FGD5: variants seen among roughly 807,000 people sequenced by gnomAD.
FGD5 encodes FYVE, RhoGEF and PH domain-containing protein 5.
A neutral mutation model predicts 133.4 loss-of-function variants in FGD5; 28 were observed. The observed-to-expected ratio is 0.21, with a 90% confidence interval of 0.16 to 0.29. The LOEUF is 0.29. FGD5 is among the 10% of genes least tolerant of loss of function. The probability of loss-of-function intolerance (pLI) is 1.00; values close to 1 mark genes in which losing one functional copy is unlikely to be tolerated. For missense variants in FGD5, 1,858 were observed against 1,895.2 expected (o/e 0.98, Z 0.36); for synonymous variants, 810 against 776.5 (o/e 1.04, Z -0.72).
At chr3:14,846,984 C>T (rs1475712297) in intron 1 of FGD5, among the ~76,000 whole-genome samples, 1 of 152,180 alleles carries the variant, frequency 6.6e-6, no homozygotes, top group African/African-American at 2.4e-5. Context: ...AGTGGTCCCC[C>T]TCCATCCCTC....
intron 9 of FGD5, among the ~76,000 whole-genome samples, chr3:14,905,301 A>G (rs1232750265): frequency 1.3e-5 from 2 of 151,690 alleles, no homozygotes; most frequent in Admixed American, 6.6e-5. Context: ...TGCCTTTAAG[A>G]TCTTCTCTTT....
In FGD5 at chr3:14,922,090, GC is replaced by G; in HGVS notation, c.3669+75del. The G allele has an allele frequency of 6.9e-7, 1 of 1,442,738 alleles. No individual in the cohort carries two copies. Among genetic ancestry groups the G allele is most frequent in the Admixed American group, 2.0e-5 (1 of 50,826 alleles). The allele number at this position is 1,442,738 out of a possible 1,614,324, so 89.4% of individuals were successfully genotyped here. A position where few individuals can be genotyped will look rare whatever the true frequency, so the allele number is the denominator to read the frequency against. On this transcript the variant is annotated intron_variant, in intron 14 of 19. Coordinates refer to ENST00000285046, the MANE Select transcript of FGD5 (RefSeq NM_152536.4). The surrounding 1 kb of genome is among the most constrained non-coding windows in gnomAD (Gnocchi z 4.1). The stretch of plus-strand genomic sequence containing the variant: ...GGTTCCCTGGGCGGGCATTGCTGTT[GC>G]CACTCACACCCAGATGGACGTGTAG...
intron 1 of FGD5, among the ~76,000 whole-genome samples, chr3:14,834,961 C>T (rs1048390154): frequency 3.9e-5 from 6 of 152,178 alleles, no homozygotes; most frequent in African/African-American, 1.4e-4. Flanking sequence ...AACCGCCGTG[C>T]AAGACCAGGA....
Position 14,917,147 on chromosome 3 carries a change from C to A in FGD5, c.3406-102C>A. ...CACCTGTGGGGGTTACTGAGGAATA[C>A]AAGATGCCTGTGCACAGCGGAGCTC... On this transcript the variant is annotated intron_variant, in intron 11 of 19. Transcript: ENST00000285046. The surrounding 1 kb of genome is among the most constrained non-coding windows in gnomAD (Gnocchi z 4.1). 1.9e-6 allele frequency: 2 copies of A among 1,031,736 alleles called. No homozygotes were observed. Among genetic ancestry groups the A allele is most frequent in the South Asian group, 3.2e-5 (2 of 61,660 alleles). 63.9% of individuals were successfully genotyped at this position (1,031,736 alleles called of 1,614,324 possible). A position where few individuals can be genotyped will look rare whatever the true frequency, so the allele number is the denominator to read the frequency against.
At position 14,924,015 on chromosome 3, in the gene FGD5, T is replaced by A. The variant is rs747514506; in HGVS notation, c.3945T>A (p.Pro1315=). Reference sequence around the variant, plus strand: ...GGCTTCTTTCAGTTACAGAGCGGCCTGTGAGCATGAGCTTCCCGCTGTCTT... The same window carrying A: ...GGCTTCTTTCAGTTACAGAGCGGCCAGTGAGCATGAGCTTCCCGCTGTCTT... ...RAVPGLMRER[P]VSMSFPLSSP... The change falls in exon 17 of 20, where the codon CCT becomes CCA. Residue 1315 remains proline, a synonymous_variant. Transcript: ENST00000285046. 4 of 1,613,982 alleles carry A rather than the reference T, an allele frequency of 2.5e-6. No individual in the cohort carries two copies. The highest frequency in any genetic ancestry group is 3.4e-6 in the Non-Finnish European group (4 of 1,179,886).
chr3:14,860,233 G>A (rs749787049), intron 1 of FGD5, among the ~76,000 whole-genome samples: 9 of 152,172 alleles, frequency 5.9e-5, no homozygotes, highest in Non-Finnish European at 7.3e-5. Context: ...ATGTCTTGTC[G>A]TGGACCGTGG....
intron 4 of FGD5, among the ~76,000 whole-genome samples, chr3:14,896,803 G>T (rs898358523): frequency 2.6e-5 from 4 of 152,126 alleles, no homozygotes; most frequent in African/African-American, 7.2e-5. Flanking sequence ...ATTAAATTGA[G>T]TTTAGTTTTA....
At chr3:14,871,101 T>A (rs1182498600) in intron 2 of FGD5, among the ~76,000 whole-genome samples, 1 of 152,212 alleles carries the variant, frequency 6.6e-6, no homozygotes, top group African/African-American at 2.4e-5. Context: ...AATTTGAATG[T>A]CACCTCCTCA....
At chr3:14,924,525 C>T (rs987265926) in intron 17 of FGD5, among the ~76,000 whole-genome samples, 3 of 152,182 alleles carry the variant, frequency 2.0e-5, no homozygotes, top group African/African-American at 7.2e-5. Flanking sequence ...GTTGACGTCC[C>T]TGGAGGCCAT....
At chr3:14,864,565 C>G (rs550329935) in intron 2 of FGD5, among the ~76,000 whole-genome samples, 1 of 152,206 alleles carries the variant, frequency 6.6e-6, no homozygotes, top group Non-Finnish European at 1.5e-5. Flanking sequence ...GAAGACCAGC[C>G]TAGCTTCTAA....
At chr3:14,912,878 T>C (rs1378337854) in intron 11 of FGD5, among the ~76,000 whole-genome samples, 4 of 151,946 alleles carry the variant, frequency 2.6e-5, no homozygotes, top group East Asian at 3.9e-4. Context: ...CTACTAAAAA[T>C]ACAAAAAATG....
At position 14,821,347 on chromosome 3, in the gene FGD5, C is replaced by G. The variant is rs2036497237; in HGVS notation, c.2276C>G (p.Thr759Ser). 1.9e-6 allele frequency: 3 copies of G among 1,613,996 alleles called. No homozygotes were observed. Among genetic ancestry groups the G allele is most frequent in the Non-Finnish European group, 2.5e-6 (3 of 1,179,882 alleles). Residue 759 changes from threonine to serine, a missense_variant, in exon 1 of 20, where the codon ACC becomes AGC. Coordinates refer to ENST00000285046, the MANE Select transcript of FGD5 (RefSeq NM_152536.4). ...SRPPFLPLPL[T>S]KPRSISFPSA... is the part of the protein sequence containing the mutation. The stretch of plus-strand genomic sequence containing the variant: ...CCGCCCTTCCTGCCCTTGCCACTGA[C>G]CAAGCCACGGTCCATCTCCTTCCCC...
intron 7 of FGD5, among the ~76,000 whole-genome samples, 152 bp from the exon 8 acceptor site, chr3:14,900,251 C>T (rs2038212500): frequency 6.6e-6 from 1 of 152,108 alleles, no homozygotes; most frequent in Non-Finnish European, 1.5e-5. Flanking sequence ...GGCCTGGTTT[C>T]ATGCTAATGT....
chr3:14,858,834 T>C (rs905864007), intron 1 of FGD5, among the ~76,000 whole-genome samples: 13 of 152,200 alleles, frequency 8.5e-5, no homozygotes, highest in African/African-American at 3.1e-4. Flanking sequence ...TGTCACAGCA[T>C]TTGGGAAGAG....
intron 4 of FGD5, among the ~76,000 whole-genome samples, chr3:14,892,543 C>T (rs1469701732): frequency 3.9e-5 from 6 of 152,008 alleles, no homozygotes; most frequent in Non-Finnish European, 8.8e-5. Context: ...GCAGGCCGGG[C>T]GCGGTGGCTC....
intron 1 of FGD5, among the ~76,000 whole-genome samples, chr3:14,837,346 C>CG (rs770623522): frequency 4.5e-4 from 68 of 152,284 alleles, no homozygotes; most frequent in Middle Eastern, 3.4e-3. Context: ...CCAGGAGGGG[C>CG]GGTTGCTCAG....
At chr3:14,860,734 G>A (rs1024145475) in intron 1 of FGD5, among the ~76,000 whole-genome samples, 11 of 152,154 alleles carry the variant, frequency 7.2e-5, no homozygotes, top group Non-Finnish European at 1.0e-4. Flanking sequence ...AGCTACTGGG[G>A]ATGCTGAGGT....
chr3:14,833,028 CTAA>C (rs1407920196), intron 1 of FGD5, among the ~76,000 whole-genome samples: 1 of 152,186 alleles, frequency 6.6e-6, no homozygotes, highest in African/African-American at 2.4e-5. Flanking sequence ...GGACAATAAA[CTAA>C]TAATAATTTC....
At chr3:14,874,779 G>C (rs1272562669) in intron 2 of FGD5, among the ~76,000 whole-genome samples, 1 of 152,182 alleles carries the variant, frequency 6.6e-6, no homozygotes, top group Non-Finnish European at 1.5e-5. Flanking sequence ...CAGAACCAAA[G>C]ATCTCTCCAA....
Sources: gnomAD v4.1 joint callset for allele counts (sites outside exome capture counted in the v4.1 genomes callset) on GRCh38, gnomAD v4.1.1 for gene constraint, Gnocchi (gnomAD v3.1) non-coding constraint, MANE v1.5 for transcripts, NCBI Gene and HGNC (gene_info 2026-07-23, HGNC 2026-07-21) for gene names.